Variants in PRRX2 observed in about 807,000 individuals in gnomAD.
The protein encoded by PRRX2 is paired related homeobox 2.
PRRX2 carries 11 observed loss-of-function variants against 18.0 expected under a neutral mutation model. The ratio of observed to expected loss-of-function variants is 0.61; its 90% CI spans 0.39 to 1.01. The LOEUF is 1.01. PRRX2 is among the 50% of genes least tolerant of loss of function. PRRX2 has a pLI of 0.01. For missense variants in PRRX2, 387 were observed against 351.0 expected, an observed-to-expected ratio of 1.10 and a Z score of -0.82; for synonymous variants, 177 against 154.8, an observed-to-expected ratio of 1.14 and a Z score of -1.06.
At chr9:129,706,576 T>A (rs892065367) in intron 1 of PRRX2, among the ~76,000 whole-genome samples, 13 of 150,238 alleles carry the variant, frequency 8.7e-5, no homozygotes, top group South Asian at 2.1e-4. Flanking sequence ...AAAAAAAAAA[T>A]AATTATTTGA....
chr9:129,674,889 C>T (rs946280494), intron 1 of PRRX2, among the ~76,000 whole-genome samples: 1 of 152,154 alleles, frequency 6.6e-6, no homozygotes, highest in Non-Finnish European at 1.5e-5. Context: ...TCAGAATCAC[C>T]CAGGGAGCTG....
intron 1 of PRRX2, among the ~76,000 whole-genome samples, chr9:129,700,251 G>C (rs1832476815): frequency 6.6e-6 from 1 of 152,040 alleles, no homozygotes; most frequent in Non-Finnish European, 1.5e-5. Flanking sequence ...CAGCAGTGAA[G>C]TTGGGATTTG....
At chr9:129,684,460 C>CACACACACACACACACACACACACACA in intron 1 of PRRX2, among the ~76,000 whole-genome samples, 1 of 125,200 alleles carries the variant, frequency 8.0e-6, no homozygotes, top group South Asian at 2.6e-4. Context: ...ACACACACAC[C>CACACACACACACACACACACACACACA]CAACAGAAAA....
Position 129,695,357 on chromosome 9 carries a change from G to A in PRRX2, c.260-23874G>A, listed in dbSNP as rs1832407956. Among the ~76,000 whole-genome samples the A allele has an allele frequency of 6.6e-6, 1 of 152,246 alleles. No individual in the cohort carries two copies. The highest frequency in any genetic ancestry group is 2.1e-4 in the South Asian group (1 of 4,832). ...TTGCCACCAGCTGTCTTTAGCCCCAGAGGAAACTGTCTTTTCAAAGAGAGA... is the reference window on the plus strand; with the variant it reads ...TTGCCACCAGCTGTCTTTAGCCCCAAAGGAAACTGTCTTTTCAAAGAGAGA... On this transcript the variant is annotated intron_variant, in intron 1 of 3. Coordinates refer to ENST00000372469, the MANE Select transcript of PRRX2 (RefSeq NM_016307.4). This position sits in a 1 kb window ranked among gnomAD's most constrained non-coding sequence, Gnocchi z 4.8.
rs1044309026 is a variant in PRRX2, at chr9:129,695,433, G to C, written c.260-23798G>C. On this transcript the variant is annotated intron_variant, in intron 1 of 3. Coordinates refer to ENST00000372469, the MANE Select transcript of PRRX2 (RefSeq NM_016307.4). The surrounding 1 kb of genome is among the most constrained non-coding windows in gnomAD (Gnocchi z 4.8). ...AGAATCAGCTTCCCTCCAAATTCCC[G>C]GTCTCTTGCTCTGGGCTTTACTTGA... 6.6e-6 allele frequency among the ~76,000 whole-genome samples: 1 copy of C among 152,154 alleles called. No homozygotes were observed. The highest frequency in any genetic ancestry group is 2.4e-5 in the African/African-American group (1 of 41,440).
intron 1 of PRRX2, among the ~76,000 whole-genome samples, chr9:129,693,777 C>T (rs1832388819): frequency 6.6e-6 from 1 of 152,150 alleles, no homozygotes; most frequent in African/African-American, 2.4e-5. Flanking sequence ...GAGGGTTTGC[C>T]TCCTGGCAAT....
At position 129,665,790 on chromosome 9, in the gene PRRX2, G is replaced by A; in HGVS notation, c.-78G>A. On this transcript the variant is annotated 5_prime_UTR_variant, in exon 1 of 4. Transcript: ENST00000372469. The surrounding 1 kb of genome is among the most constrained non-coding windows in gnomAD (Gnocchi z 5.3). ...AGAGCGCGGGGCGGCCGGGGCTCTC[G>A]CTCCGACCCGCGCCCGCGACCCTTC... is the stretch of plus-strand genomic sequence containing the variant. 4.1e-6 allele frequency: 4 copies of A among 985,952 alleles called. No homozygotes were observed. The highest frequency in any genetic ancestry group is 1.7e-5 in the African/African-American group (1 of 57,186). 61.1% of individuals were successfully genotyped at this position (985,952 alleles called of 1,614,324 possible). A position where few individuals can be genotyped will look rare whatever the true frequency, so the allele number is the denominator to read the frequency against.
At chr9:129,669,275 C>T (rs893415158) in intron 1 of PRRX2, among the ~76,000 whole-genome samples, 4 of 152,184 alleles carry the variant, frequency 2.6e-5, no homozygotes, top group African/African-American at 4.8e-5. Flanking sequence ...ACCGTGGCTT[C>T]GCCAGTGACT....
chr9:129,703,113 G>A (rs1171348442), intron 1 of PRRX2, among the ~76,000 whole-genome samples: 1 of 152,222 alleles, frequency 6.6e-6, no homozygotes, highest in Non-Finnish European at 1.5e-5. Flanking sequence ...AGATGGCCCC[G>A]TGCCCAGACT....
At chr9:129,682,931 C>CT (rs1162004909) in intron 1 of PRRX2, among the ~76,000 whole-genome samples, 5 of 151,684 alleles carry the variant, frequency 3.3e-5, no homozygotes, top group Admixed American at 6.6e-5. Flanking sequence ...ATGGTGAACC[C>CT]CCCCCATCTC....
At chr9:129,711,987 C>A (rs1351824179) in intron 1 of PRRX2, among the ~76,000 whole-genome samples, 1 of 152,188 alleles carries the variant, frequency 6.6e-6, no homozygotes, top group Non-Finnish European at 1.5e-5. Context: ...GAACCCAAAT[C>A]TCTACCAAGA....
At chr9:129,685,967 C>T (rs546951615) in intron 1 of PRRX2, among the ~76,000 whole-genome samples, 8 of 152,218 alleles carry the variant, frequency 5.3e-5, no homozygotes, top group African/African-American at 1.7e-4. Flanking sequence ...GGGAAGGGTT[C>T]CTACAGGAAG....
intron 1 of PRRX2, among the ~76,000 whole-genome samples, chr9:129,679,262 C>A (rs946949513): frequency 6.6e-6 from 1 of 152,130 alleles, no homozygotes; most frequent in Non-Finnish European, 1.5e-5. Context: ...GGCTATCTGA[C>A]CTTGAATCCT....
intron 1 of PRRX2, among the ~76,000 whole-genome samples, chr9:129,683,293 T>C (rs1199009688): frequency 6.6e-6 from 1 of 152,142 alleles, no homozygotes; most frequent in Non-Finnish European, 1.5e-5. Context: ...CCCTCATCTT[T>C]ATAGACAGAT....
chr9:129,676,893 C>T (rs1481164801), intron 1 of PRRX2, among the ~76,000 whole-genome samples: 2 of 152,208 alleles, frequency 1.3e-5, no homozygotes, highest in Non-Finnish European at 2.9e-5. Context: ...GAAAACCTCC[C>T]TAAGTTGGGA....
chr9:129,692,258 A>AT (rs1832369852), intron 1 of PRRX2, among the ~76,000 whole-genome samples: 2 of 151,888 alleles, frequency 1.3e-5, no homozygotes, highest in African/African-American at 2.4e-5. Flanking sequence ...CCTAGACTTT[A>AT]TTTTTTTAGA....
intron 1 of PRRX2, among the ~76,000 whole-genome samples, chr9:129,689,677 T>G (rs970001278): frequency 2.6e-5 from 4 of 151,144 alleles, no homozygotes; most frequent in Non-Finnish European, 4.4e-5. Context: ...CAATGAATGC[T>G]GATGGCCAGG....
rs1564150205 is a variant in PRRX2 at position 129,695,838 on chromosome 9, A to G, written c.260-23393A>G. On this transcript the variant is annotated intron_variant, in intron 1 of 3. Transcript: ENST00000372469. This position sits in a 1 kb window ranked among gnomAD's most constrained non-coding sequence, Gnocchi z 4.8. ...TTAACAAGCCCCCACAAGTGAATTCAGAGAGCATTAACGGGAAAGTTCTAA... is the reference window on the plus strand; with the variant it reads ...TTAACAAGCCCCCACAAGTGAATTCGGAGAGCATTAACGGGAAAGTTCTAA... Among the ~76,000 whole-genome samples, 1 of 152,232 alleles carries G rather than the reference A, an allele frequency of 6.6e-6. No homozygotes were observed. The highest frequency in any genetic ancestry group is 1.5e-5 in the Non-Finnish European group (1 of 68,040).
intron 1 of PRRX2, among the ~76,000 whole-genome samples, chr9:129,690,295 G>A (rs1447820274): frequency 1.3e-5 from 2 of 152,246 alleles, no homozygotes; most frequent in South Asian, 2.1e-4. Context: ...ACACTTTTGA[G>A]GGTAACAACT....
Sources: allele counts gnomAD v4.1 joint callset (sites outside exome capture counted in the v4.1 genomes callset), GRCh38; gene constraint gnomAD v4.1.1; non-coding constraint Gnocchi (gnomAD v3.1); transcripts MANE v1.5; gene names NCBI Gene and HGNC (gene_info 2026-07-23, HGNC 2026-07-21).